The following DISC1 variants were observed in gnomAD, a reference collection of about 807,000 sequenced individuals.
DISC1 encodes DISC1 scaffold protein, also known as disrupted in schizophrenia 1 protein.
DISC1 carries 57 observed loss-of-function variants against 84.5 expected under a neutral mutation model. That is an observed-to-expected ratio of 0.67 (90% CI 0.55 to 0.84). DISC1 has a LOEUF of 0.84. Among genes scored for constraint, DISC1 ranks in the 40% least tolerant of loss-of-function variants. The probability of loss-of-function intolerance (pLI) is 0.00; values close to 1 mark genes in which losing one functional copy is unlikely to be tolerated. For synonymous variants in DISC1, 411 were observed against 415.2 expected (o/e 0.99, Z 0.12); for missense variants, 1,000 against 1,057.8 (o/e 0.95, Z 0.76).
intron 7 of DISC1, 93 bp downstream of exon 7, chr1:231,795,389 G>A: frequency 8.8e-7 from 1 of 1,141,220 alleles, no homozygotes; most frequent in Non-Finnish European, 1.3e-6. Flanking sequence ...CCTGGCTTCT[G>A]CAAAAAAAGA....
chr1:231,904,686 T>G, intron 9 of DISC1, among the ~76,000 whole-genome samples: 1 of 151,982 alleles, frequency 6.6e-6, no homozygotes, highest in Non-Finnish European at 1.5e-5. Context: ...ACCCCTAGAA[T>G]CCAATTCTTG....
intron 9 of DISC1, among the ~76,000 whole-genome samples, chr1:231,886,342 C>T (rs1190852310): frequency 6.6e-6 from 1 of 152,122 alleles, no homozygotes; most frequent in Non-Finnish European, 1.5e-5. Context: ...GGTAAATCTT[C>T]AAAACTCTTG....
At chr1:231,854,203 T>A (rs979300521) in intron 9 of DISC1, among the ~76,000 whole-genome samples, 1 of 152,178 alleles carries the variant, frequency 6.6e-6, no homozygotes, top group African/African-American at 2.4e-5. Flanking sequence ...TACTAAGCGA[T>A]TGTGGGTAAG....
intron 9 of DISC1, among the ~76,000 whole-genome samples, chr1:231,891,111 A>G (rs1054399788): frequency 6.6e-6 from 1 of 152,190 alleles, no homozygotes; most frequent in Non-Finnish European, 1.5e-5. Flanking sequence ...TGTTTACAAC[A>G]GGAGTGTCCA....
chr1:231,795,565 C>A (rs1169075904), intron 7 of DISC1, among the ~76,000 whole-genome samples: 1 of 152,184 alleles, frequency 6.6e-6, no homozygotes. Context: ...AAAAGGACTG[C>A]CACTATGCAT....
chr1:231,724,927 C>G (rs200492841), intron 3 of DISC1, among the ~76,000 whole-genome samples: 2 of 152,170 alleles, frequency 1.3e-5, no homozygotes, highest in African/African-American at 2.4e-5. Context: ...TGCTGGCTTT[C>G]TCTACAGGAT....
At chr1:231,756,480 A>G (rs1031429093) in intron 4 of DISC1, among the ~76,000 whole-genome samples, 1 of 151,892 alleles carries the variant, frequency 6.6e-6, no homozygotes, top group Non-Finnish European at 1.5e-5. Context: ...ATGCATATGT[A>G]GCTATATATA....
intron 3 of DISC1, among the ~76,000 whole-genome samples, chr1:231,746,815 T>C (rs2125304160): frequency 6.6e-6 from 1 of 152,320 alleles, no homozygotes; most frequent in African/African-American, 2.4e-5. Flanking sequence ...TGTATTTCTT[T>C]TGTTGAGATG....
intron 9 of DISC1, among the ~76,000 whole-genome samples, chr1:231,910,674 G>C (rs2089126182): frequency 6.6e-6 from 1 of 152,172 alleles, no homozygotes; most frequent in African/African-American, 2.4e-5. Flanking sequence ...GGAGAGTTCT[G>C]TAGATGTGTA....
At chr1:231,830,130 T>C (rs1357714903) in intron 9 of DISC1, among the ~76,000 whole-genome samples, 1 of 152,072 alleles carries the variant, frequency 6.6e-6, no homozygotes, top group African/African-American at 2.4e-5. Flanking sequence ...GAAATGGTGG[T>C]AAAGTGTTGG....
chr1:231,655,250 A>T (rs567067417), intron 1 of DISC1, among the ~76,000 whole-genome samples: 19 of 152,090 alleles, frequency 1.2e-4, no homozygotes, highest in Admixed American at 3.9e-4. Flanking sequence ...CGCCCCTCCC[A>T]CACTCCCCTA....
At position 231,740,765 on chromosome 1, in the gene DISC1, C is replaced by T. The variant is rs1484266797; in HGVS notation, c.1118-9161C>T. On this transcript the variant is annotated intron_variant, in intron 3 of 12. Coordinates refer to ENST00000439617, the MANE Select transcript of DISC1 (RefSeq NM_018662.3). ...ATTTATGTTTTTTGTACATCTTATA[C>T]ACATAGTCTGAAGTTAACGCTATGC... Among the ~76,000 whole-genome samples, 3 of 152,180 alleles carry T rather than the reference C, an allele frequency of 2.0e-5. No homozygotes were observed. The East Asian group carries it at 5.8e-4, about 29-fold the overall frequency.
At chr1:231,792,261 A>C (rs2078407941) in intron 6 of DISC1, among the ~76,000 whole-genome samples, 1 of 152,202 alleles carries the variant, frequency 6.6e-6, no homozygotes, top group East Asian at 1.9e-4. Context: ...TCTAACATGG[A>C]TATCTGAGAG....
At chr1:231,931,645 A>ATTTTTTTTTT (rs10652394) in intron 9 of DISC1, among the ~76,000 whole-genome samples, 2 of 137,942 alleles carry the variant, frequency 1.4e-5, no homozygotes. Context: ...ACTGCTTGTG[A>ATTTTTTTTTT]TTTTTTTTTT....
At chr1:231,663,010 A>G (rs1428601200) in intron 1 of DISC1, among the ~76,000 whole-genome samples, 2 of 152,172 alleles carry the variant, frequency 1.3e-5, no homozygotes, top group Non-Finnish European at 2.9e-5. Flanking sequence ...GAAACAAACA[A>G]GCAAACGAAA....
In DISC1 at chr1:231,818,481, C is replaced by T. The variant is rs750563912; in HGVS notation, c.1945C>T (p.Leu649=). The stretch of plus-strand genomic sequence containing the variant: ...AAGTGTTAAAGAAGATTACAACAGA[C>T]TGAGAAGAGAAGTGGAGCACCAGGA... The part of the protein sequence containing the change: ...LGSVKEDYNR[L]RREVEHQETA... The change falls in exon 9 of 13, where the codon CTG becomes TTG. Residue 649 remains leucine (L), a synonymous_variant. Transcript: ENST00000439617. The T allele has an allele frequency of 6.2e-7, 1 of 1,614,136 alleles. No individual in the cohort carries two copies. Among genetic ancestry groups the T allele is most frequent in the South Asian group, 1.1e-5 (1 of 91,066 alleles).
intron 9 of DISC1, among the ~76,000 whole-genome samples, chr1:231,906,833 A>G (rs995931443): frequency 6.6e-6 from 1 of 150,472 alleles, no homozygotes; most frequent in Non-Finnish European, 1.5e-5. Flanking sequence ...AGAAGAAAGG[A>G]AAAAAAAAAT....
intron 9 of DISC1, among the ~76,000 whole-genome samples, chr1:231,855,950 G>A (rs1471635145): frequency 1.3e-5 from 2 of 152,184 alleles, no homozygotes; most frequent in East Asian, 3.9e-4. Context: ...TCCTAAAATG[G>A]CACTTTGAAC....
chr1:231,838,292 GC>G lies in DISC1; in HGVS notation c.1981+19776del, dbSNP rs563727392. On this transcript the variant is annotated intron_variant, in intron 9 of 12. Transcript: ENST00000439617. ...TTTGAACTGTGTTCCGGTTGCTTAA[GC>G]ACCCATCTATCTGGAATGGTTTGTG... 2.7e-3 allele frequency among the ~76,000 whole-genome samples: 406 copies of G among 152,290 alleles called. 3 individuals are homozygous for G. The highest frequency in any genetic ancestry group is 9.4e-3 in the African/African-American group (389 of 41,566).
Sources: allele counts gnomAD v4.1 joint callset (sites outside exome capture counted in the v4.1 genomes callset), GRCh38; gene constraint gnomAD v4.1.1; transcripts MANE v1.5; gene names NCBI Gene and HGNC (gene_info 2026-07-23, HGNC 2026-07-21).